Variants in KLF8 observed in about 807,000 individuals in gnomAD.
KLF8 encodes KLF transcription factor 8, also known as Krueppel-like factor 8.
In KLF8, 10 loss-of-function variants were observed where a neutral mutation model predicts 18.2. That is an observed-to-expected ratio of 0.55 (90% CI 0.34 to 0.93). KLF8 has a LOEUF of 0.93. Ranked by LOEUF, KLF8 falls within the 40% of genes least tolerant of loss-of-function variation. The pLI is 0.02. For synonymous variants in KLF8, 109 were observed against 97.3 expected, an observed-to-expected ratio of 1.12 and a Z score of -0.71; for missense variants, 264 against 277.9, an observed-to-expected ratio of 0.95 and a Z score of 0.36.
chrX:56,213,710 G>A, the KLF8 span, among the ~76,000 whole-genome samples: 1 of 111,136 alleles, frequency 9.0e-6, no homozygotes, highest in South Asian at 3.9e-4. Flanking sequence ...ACAACATCTG[G>A]TGGGGGGTAC....
chrX:56,269,523 GTA>G (rs1477762717), intron 4 of KLF8, 34 bp downstream of exon 4: 2 of 1,090,156 alleles, frequency 1.8e-6, no homozygotes, highest in Non-Finnish European at 2.4e-6. Flanking sequence ...CTGTCTTTGT[GTA>G]TGTGTGTGTG....
chrX:56,033,077 G>A, the KLF8 span, among the ~76,000 whole-genome samples: 1 of 111,029 alleles, frequency 9.0e-6, no homozygotes, highest in Non-Finnish European at 1.9e-5. Context: ...ATATAATGCA[G>A]TATGATTGAA....
the KLF8 span, among the ~76,000 whole-genome samples, chrX:56,043,276 G>A: frequency 2.5e-4 from 27 of 109,438 alleles, no homozygotes; most frequent in African/African-American, 7.3e-4. Flanking sequence ...TTGGAGAATT[G>A]GATGATTATG....
At chrX:56,284,205 C>T in intron 5 of KLF8, 108 bp from the exon 6 acceptor site, 1 of 598,132 alleles carries the variant, frequency 1.7e-6, no homozygotes, top group African/African-American at 2.3e-5. Flanking sequence ...AAGGTTATTG[C>T]CTAGCCTTTT....
At chrX:56,021,197 TATG>T in the KLF8 span, among the ~76,000 whole-genome samples, 60 of 112,352 alleles carry the variant, frequency 5.3e-4, no homozygotes, top group East Asian at 5.6e-4. Flanking sequence ...AATGAAACCA[TATG>T]ATATCTATTT....
the KLF8 span, among the ~76,000 whole-genome samples, chrX:56,165,006 G>C: frequency 3.4e-5 from 3 of 88,760 alleles, no homozygotes; most frequent in Non-Finnish European, 6.5e-5. Flanking sequence ...TGCGGTGTTT[G>C]GTTTTTTGTT....
At chrX:55,948,709 C>G in the KLF8 span, among the ~76,000 whole-genome samples, 1 of 110,518 alleles carries the variant, frequency 9.0e-6, no homozygotes, top group Non-Finnish European at 1.9e-5. Flanking sequence ...CATACCATCA[C>G]CACTCTTGCA....
At chrX:56,198,253 G>C in the KLF8 span, among the ~76,000 whole-genome samples, 6 of 112,007 alleles carry the variant, frequency 5.4e-5, no homozygotes, top group Non-Finnish European at 9.4e-5. Flanking sequence ...TCAGGCAAGA[G>C]AAAGAAATTA....
the KLF8 span, among the ~76,000 whole-genome samples, chrX:56,136,418 G>A: frequency 8.1e-5 from 9 of 110,723 alleles, no homozygotes; most frequent in African/African-American, 3.0e-4. Context: ...ATAGATCAAT[G>A]GAACAGAACA....
At chrX:56,126,970 C>A in the KLF8 span, among the ~76,000 whole-genome samples, 13 of 108,845 alleles carry the variant, frequency 1.2e-4, no homozygotes, top group African/African-American at 4.4e-4. Flanking sequence ...CTAGGCTGGT[C>A]TCGACCTCCT....
the KLF8 span, among the ~76,000 whole-genome samples, chrX:55,945,379 G>A: frequency 9.0e-6 from 1 of 111,063 alleles, no homozygotes; most frequent in Non-Finnish European, 1.9e-5. Context: ...CAATTTCTGG[G>A]TATCCTTGTT....
At chrX:56,178,288 A>T in the KLF8 span, among the ~76,000 whole-genome samples, 1 of 112,704 alleles carries the variant, frequency 8.9e-6, no homozygotes, top group African/African-American at 3.2e-5. Context: ...TCTTCTTTTT[A>T]GAAGTGTCTG....
chrX:56,031,586 C>T, the KLF8 span, among the ~76,000 whole-genome samples: 2 of 111,867 alleles, frequency 1.8e-5, no homozygotes, highest in Non-Finnish European at 3.8e-5. Flanking sequence ...CCCGGGAGCG[C>T]TCTTTGGATC....
At chrX:56,133,671 C>G in the KLF8 span, among the ~76,000 whole-genome samples, 4 of 111,423 alleles carry the variant, frequency 3.6e-5, no homozygotes, top group Non-Finnish European at 7.5e-5. Context: ...CCAGAGCAAT[C>G]ATACAGGAGA....
At chrX:55,945,441 T>G in the KLF8 span, among the ~76,000 whole-genome samples, 4 of 111,120 alleles carry the variant, frequency 3.6e-5, no homozygotes, top group Non-Finnish European at 5.7e-5. Context: ...TGTTAAAGTC[T>G]CCCATTATTG....
At chrX:56,029,461 T>G in the KLF8 span, among the ~76,000 whole-genome samples, 5 of 111,034 alleles carry the variant, frequency 4.5e-5, no homozygotes, top group African/African-American at 1.6e-4. Flanking sequence ...CTCTTGCTCC[T>G]ATTATATCAG....
the KLF8 span, among the ~76,000 whole-genome samples, chrX:56,010,807 G>A: frequency 8.9e-6 from 1 of 111,835 alleles, no homozygotes; most frequent in Non-Finnish European, 1.9e-5. Flanking sequence ...GCAATCTGTT[G>A]CAATCTTAGT....
the KLF8 span, chrX:56,014,720 A>G: frequency 1.3e-4 from 14 of 111,187 alleles, no homozygotes; most frequent in African/African-American, 4.3e-4. Flanking sequence ...AAGACATGCA[A>G]TCAACACACA....
At chrX:55,913,792 A>G in the KLF8 span, among the ~76,000 whole-genome samples, 1 of 112,115 alleles carries the variant, frequency 8.9e-6, no homozygotes, top group Non-Finnish European at 1.9e-5. Flanking sequence ...AGAGGCAAGT[A>G]ATGGGCATTA....
Sources: gnomAD v4.1 joint callset for allele counts (sites outside exome capture counted in the v4.1 genomes callset) on GRCh38, gnomAD v4.1.1 for gene constraint, MANE v1.5 for transcripts, NCBI Gene and HGNC (gene_info 2026-07-23, HGNC 2026-07-21) for gene names.